Variants in PREX2 observed in about 807,000 individuals in gnomAD.
PREX2 encodes the protein phosphatidylinositol-3,4,5-trisphosphate dependent Rac exchange factor 2, also known as phosphatidylinositol 3,4,5-trisphosphate-dependent Rac exchanger 2 protein.
A neutral mutation model predicts 203.2 loss-of-function variants in PREX2; 107 were observed. The ratio of observed to expected loss-of-function variants is 0.53; its 90% confidence interval spans 0.45 to 0.62. The LOEUF is 0.62. PREX2 is among the 20% of genes least tolerant of loss of function. PREX2 has a pLI of 0.00. For missense variants in PREX2, 1,777 were observed against 1,955.9 expected, an observed-to-expected ratio of 0.91 and a Z score of 1.72; for synonymous variants, 672 against 663.6, an observed-to-expected ratio of 1.01 and a Z score of -0.19.
intron 33 of PREX2, among the ~76,000 whole-genome samples, chr8:68,140,276 T>TA (rs1328564698): frequency 6.6e-6 from 1 of 152,244 alleles, no homozygotes. Flanking sequence ...CAATACATTT[T>TA]AATGTGTCTC....
At chr8:68,136,659 A>G (rs1811118517) in intron 32 of PREX2, among the ~76,000 whole-genome samples, 1 of 151,958 alleles carries the variant, frequency 6.6e-6, no homozygotes, top group Non-Finnish European at 1.5e-5. Flanking sequence ...TTGCTGCTTC[A>G]AAAGGATTTT....
intron 9 of PREX2, 142 bp downstream of exon 9, chr8:68,053,388 T>G: frequency 1.2e-6 from 1 of 859,336 alleles, no homozygotes; most frequent in Non-Finnish European, 1.8e-6. Context: ...TATTGCAGTT[T>G]TGACATTGAA....
chr8:68,010,514 C>T (rs146332151), intron 1 of PREX2, among the ~76,000 whole-genome samples: 2 of 152,230 alleles, frequency 1.3e-5, no homozygotes, highest in African/African-American at 2.4e-5. Flanking sequence ...TGATAATAGG[C>T]GCAGTGGCAG....
intron 33 of PREX2, among the ~76,000 whole-genome samples, chr8:68,144,561 G>T (rs570550066): frequency 9.9e-5 from 15 of 151,986 alleles, no homozygotes; most frequent in Non-Finnish European, 2.1e-4. Flanking sequence ...AGCTATAATT[G>T]CTTATTAGTT....
intron 20 of PREX2, among the ~76,000 whole-genome samples, chr8:68,091,824 T>C (rs1423512879): frequency 1.3e-5 from 2 of 152,142 alleles, no homozygotes; most frequent in Non-Finnish European, 2.9e-5. Context: ...CTGCCTACCC[T>C]CTTATAGAGG....
At chr8:68,098,130 A>G (rs766155187) in intron 22 of PREX2, among the ~76,000 whole-genome samples, 1 of 152,176 alleles carries the variant, frequency 6.6e-6, no homozygotes, top group Non-Finnish European at 1.5e-5. Context: ...TGGCCTGCCT[A>G]CAAGGTAAAT....
At chr8:67,973,968 T>C (rs928602768) in intron 1 of PREX2, among the ~76,000 whole-genome samples, 3 of 152,230 alleles carry the variant, frequency 2.0e-5, no homozygotes, top group African/African-American at 7.2e-5. Context: ...GCACATTTTT[T>C]TCCTTCATAT....
chr8:68,130,192 A>G (rs534345069), intron 31 of PREX2, among the ~76,000 whole-genome samples: 1 of 152,040 alleles, frequency 6.6e-6, no homozygotes, highest in Non-Finnish European at 1.5e-5. Flanking sequence ...TGGGAGGCCA[A>G]GGTAGGAGGA....
chr8:68,194,034 A>G (rs1812346812), intron 37 of PREX2, among the ~76,000 whole-genome samples: 1 of 152,244 alleles, frequency 6.6e-6, no homozygotes, highest in African/African-American at 2.4e-5. Flanking sequence ...CAAGCTTATT[A>G]AAAGCTTAAT....
chr8:68,019,537 G>A lies in PREX2; in HGVS notation c.214-12G>A, dbSNP rs528854952. On this transcript the variant is annotated splice_polypyrimidine_tract_variant and intron_variant, in intron 2 of 39. Coordinates refer to ENST00000288368, the MANE Select transcript of PREX2 (RefSeq NM_024870.4). ...CACTACTGAGCTTACTTACACATTT[G>A]TTTATTTACAGATGTTGTTCTCAAA... 2.5e-6 allele frequency: 4 copies of A among 1,600,894 alleles called. No individual in the cohort carries two copies. The South Asian group carries it at 3.4e-5, about 14-fold the overall frequency.
intron 37 of PREX2, among the ~76,000 whole-genome samples, chr8:68,216,076 T>G (rs926296929): frequency 3.9e-5 from 6 of 152,242 alleles, no homozygotes; most frequent in African/African-American, 1.4e-4. Flanking sequence ...TAACAGCCAG[T>G]GGAACTTACA....
intron 30 of PREX2, among the ~76,000 whole-genome samples, chr8:68,126,462 A>G (rs1810889131): frequency 6.6e-6 from 1 of 152,126 alleles, no homozygotes; most frequent in South Asian, 2.1e-4. Context: ...AAGCTAGTAT[A>G]TAACAGCAGT....
At chr8:68,157,507 A>G in intron 35 of PREX2, 71 bp downstream of exon 35, 1 of 712,912 alleles carries the variant, frequency 1.4e-6, no homozygotes, top group Admixed American at 2.2e-5. Flanking sequence ...AGGACTTTTG[A>G]TGCTATTTAT....
chr8:68,105,678 G>C, intron 23 of PREX2: 1 of 208,594 alleles, frequency 4.8e-6, no homozygotes, highest in Non-Finnish European at 5.3e-6. Context: ...ATATATATAT[G>C]GATTATATAT....
At chr8:68,054,355 A>C in intron 9 of PREX2, among the ~76,000 whole-genome samples, 1 of 146,152 alleles carries the variant, frequency 6.8e-6, no homozygotes, top group African/African-American at 2.6e-5. Flanking sequence ...TTTCTTAAGC[A>C]CCCAAGAGAA....
chr8:68,065,986 A>T (rs1283746884), intron 11 of PREX2, among the ~76,000 whole-genome samples: 8 of 152,200 alleles, frequency 5.3e-5, no homozygotes, highest in Non-Finnish European at 8.8e-5. Context: ...TGATCACCAC[A>T]ATCAAGCTAA....
chr8:67,962,885 GGTGTGAACTA>G (rs1805671316), intron 1 of PREX2, among the ~76,000 whole-genome samples: 1 of 151,996 alleles, frequency 6.6e-6, no homozygotes, highest in African/African-American at 2.4e-5. Flanking sequence ...TGGGATTACA[GGTGTGAACTA>G]CCATGCCTGG....
At chr8:67,974,684 T>C (rs1394542305) in intron 1 of PREX2, among the ~76,000 whole-genome samples, 1 of 152,180 alleles carries the variant, frequency 6.6e-6, no homozygotes, top group Non-Finnish European at 1.5e-5. Context: ...TTGGAACTCA[T>C]TGTACAAAGC....
At chr8:68,014,153 G>T (rs1363937272) in intron 1 of PREX2, among the ~76,000 whole-genome samples, 2 of 152,146 alleles carry the variant, frequency 1.3e-5, no homozygotes, top group Non-Finnish European at 2.9e-5. Context: ...GGATAAAGGA[G>T]ATTGCTGTCA....
Sources: allele counts gnomAD v4.1 joint callset (sites outside exome capture counted in the v4.1 genomes callset), GRCh38; gene constraint gnomAD v4.1.1; transcripts MANE v1.5; gene names NCBI Gene and HGNC (gene_info 2026-07-23, HGNC 2026-07-21).